PTPRD: variants seen among roughly 807,000 people sequenced by gnomAD.
The protein encoded by PTPRD is receptor-type tyrosine-protein phosphatase delta.
A neutral mutation model predicts 214.5 loss-of-function variants in PTPRD; 34 were observed. That is an observed-to-expected ratio of 0.16 (90% CI 0.12 to 0.21). The LOEUF is 0.21. PTPRD is among the 10% of genes least tolerant of loss of function. PTPRD has a pLI of 1.00. For synonymous variants in PTPRD, 1,128 were observed against 845.7 expected (o/e 1.33, Z -5.79); for missense variants, 2,545 against 2,398.7 (o/e 1.06, Z -1.27).
chr9:10,474,994 G>C lies in PTPRD; in HGVS notation c.-599-133977C>G, dbSNP rs140152330. Among the ~76,000 whole-genome samples, 335 of 152,240 alleles carry C rather than the reference G, an allele frequency of 2.2e-3. 2 individuals carry two copies. The highest frequency in any genetic ancestry group is 7.7e-3 in the African/African-American group (321 of 41,548). ...GGACACAGTTAAATCAGTATGTAGAGGGAAATGTATAGTACTAAATGTCCA... is the reference window on the plus strand; with the variant it reads ...GGACACAGTTAAATCAGTATGTAGACGGAAATGTATAGTACTAAATGTCCA... On this transcript the variant is annotated intron_variant, in intron 2 of 45. Transcript: ENST00000381196.
intron 35 of PTPRD, among the ~76,000 whole-genome samples, chr9:8,416,154 T>G (rs181488911): frequency 6.6e-6 from 1 of 152,082 alleles, no homozygotes; most frequent in Non-Finnish European, 1.5e-5. Context: ...CTTAATATAA[T>G]AGTAGATTAT....
chr9:8,988,668 A>C (rs1484559846), intron 11 of PTPRD, among the ~76,000 whole-genome samples: 3 of 150,898 alleles, frequency 2.0e-5, no homozygotes, highest in African/African-American at 7.3e-5. Flanking sequence ...ATTTTCATTA[A>C]CATTACGATT....
chr9:9,839,362 T>C (rs1456565035), intron 5 of PTPRD, among the ~76,000 whole-genome samples: 3 of 152,102 alleles, frequency 2.0e-5, no homozygotes, highest in South Asian at 2.1e-4. Context: ...AGTCTCAGGA[T>C]ACAAAATCAA....
At chr9:9,720,343 C>T (rs2097913888) in intron 7 of PTPRD, among the ~76,000 whole-genome samples, 4 of 152,126 alleles carry the variant, frequency 2.6e-5, no homozygotes, top group Admixed American at 6.5e-5. Context: ...TAAAAGAGCC[C>T]TACAACTGAA....
At chr9:9,504,834 CA>C (rs1192545081) in intron 8 of PTPRD, among the ~76,000 whole-genome samples, 5 of 151,606 alleles carry the variant, frequency 3.3e-5, no homozygotes, top group Non-Finnish European at 5.9e-5. Context: ...ATGCAAAAAT[CA>C]GTTATATTTC....
chr9:8,994,466 A>G (rs1307762603), intron 11 of PTPRD, among the ~76,000 whole-genome samples: 1 of 152,156 alleles, frequency 6.6e-6, no homozygotes, highest in African/African-American at 2.4e-5. Flanking sequence ...CTAACAGGTT[A>G]CTGAGATCAA....
intron 7 of PTPRD, among the ~76,000 whole-genome samples, chr9:9,692,901 T>C (rs956891800): frequency 6.6e-6 from 1 of 152,008 alleles, no homozygotes; most frequent in African/African-American, 2.4e-5. Context: ...TAAATGAGAT[T>C]AATTTTTATT....
chr9:9,213,204 T>C (rs567173391), intron 9 of PTPRD, among the ~76,000 whole-genome samples: 40 of 152,300 alleles, frequency 2.6e-4, no homozygotes, highest in Admixed American at 7.8e-4. Flanking sequence ...TTGCAGAGAA[T>C]TGACTTTACA....
At chr9:9,295,648 T>C (rs753412871) in intron 9 of PTPRD, among the ~76,000 whole-genome samples, 20 of 151,804 alleles carry the variant, frequency 1.3e-4, no homozygotes, top group Non-Finnish European at 2.9e-5. Flanking sequence ...CTCTCAAAAG[T>C]AATTATATTT....
intron 9 of PTPRD, among the ~76,000 whole-genome samples, chr9:9,232,484 C>G (rs7042564): frequency 0.66 from 100,988 of 151,920 alleles, 33,896 homozygotes; most frequent in African/African-American, 0.71. Flanking sequence ...TACAAGTACA[C>G]GATTCCATCA....
chr9:10,244,579 C>G (rs1192039391), intron 3 of PTPRD, among the ~76,000 whole-genome samples: 1 of 118,016 alleles, frequency 8.5e-6, no homozygotes, highest in Admixed American at 8.6e-5. Context: ...AAAAATTCCT[C>G]TTGAATTTTG....
chr9:9,614,187 C>T (rs2094711529), intron 7 of PTPRD, among the ~76,000 whole-genome samples: 1 of 151,614 alleles, frequency 6.6e-6, no homozygotes, highest in Non-Finnish European at 1.5e-5. Flanking sequence ...TTTATGATTG[C>T]CAGAGATTAC....
intron 9 of PTPRD, among the ~76,000 whole-genome samples, chr9:9,190,385 A>T (rs1200338927): frequency 6.6e-6 from 1 of 151,974 alleles, no homozygotes; most frequent in Middle Eastern, 3.2e-3. Flanking sequence ...TGTGATAGTG[A>T]ATAAGTCTCA....
At chr9:8,671,700 C>G (rs1372043089) in intron 12 of PTPRD, among the ~76,000 whole-genome samples, 1 of 152,128 alleles carries the variant, frequency 6.6e-6, no homozygotes, top group East Asian at 1.9e-4. Context: ...AAAGAAATCT[C>G]CAGAAATTAT....
chr9:9,529,650 A>C (rs2075022842), intron 8 of PTPRD, among the ~76,000 whole-genome samples: 1 of 152,136 alleles, frequency 6.6e-6, no homozygotes. Flanking sequence ...ATTTTACTGA[A>C]GATAAACAGC....
intron 3 of PTPRD, among the ~76,000 whole-genome samples, chr9:10,269,350 A>G (rs2094288968): frequency 6.6e-6 from 1 of 152,182 alleles, no homozygotes; most frequent in South Asian, 2.1e-4. Flanking sequence ...TGAGATAAAC[A>G]TGTGGTTCCT....
chr9:10,276,678 G>C (rs1424226042), intron 3 of PTPRD, among the ~76,000 whole-genome samples: 1 of 152,108 alleles, frequency 6.6e-6, no homozygotes, highest in Non-Finnish European at 1.5e-5. Flanking sequence ...TATTGCACCT[G>C]GCATATGCCT....
intron 11 of PTPRD, among the ~76,000 whole-genome samples, chr9:8,967,379 A>G (rs2099203613): frequency 6.6e-6 from 1 of 152,186 alleles, no homozygotes. Context: ...TTGCATGTTC[A>G]CTGTGGCACT....
intron 11 of PTPRD, among the ~76,000 whole-genome samples, chr9:8,981,811 C>T (rs923673618): frequency 6.6e-6 from 1 of 151,868 alleles, no homozygotes; most frequent in Admixed American, 6.6e-5. Flanking sequence ...ATTTGGCTTT[C>T]TAATTTTCTA....
Sources: allele counts gnomAD v4.1 joint callset (sites outside exome capture counted in the v4.1 genomes callset), GRCh38; gene constraint gnomAD v4.1.1; transcripts MANE v1.5; gene names NCBI Gene and HGNC (gene_info 2026-07-23, HGNC 2026-07-21).